Variants in EBF1 observed in about 807,000 individuals in gnomAD.
The protein encoded by EBF1 is transcription factor COE1.
A neutral mutation model predicts 68.4 loss-of-function variants in EBF1; 10 were observed. The ratio of observed to expected loss-of-function variants is 0.15; its 90% CI spans 0.09 to 0.25. The LOEUF (loss-of-function observed/expected upper bound fraction) is 0.25, where lower values mean the gene tolerates loss of function less well. EBF1 is among the 10% of genes least tolerant of loss of function. EBF1 has a pLI of 1.00. For synonymous variants in EBF1, 298 were observed against 299.8 expected (o/e 0.99, Z 0.06); for missense variants, 509 against 794.4 (o/e 0.64, Z 4.32).
chr5:158,803,778 CTTACT>C (rs763182411), intron 8 of EBF1, among the ~76,000 whole-genome samples: 9 of 151,614 alleles, frequency 5.9e-5, no homozygotes, highest in Non-Finnish European at 1.2e-4. Context: ...TTGTTTCTGC[CTTACT>C]TTATTTTCTT....
chr5:158,816,256 T>A (rs1258274991), intron 8 of EBF1, among the ~76,000 whole-genome samples: 1 of 152,246 alleles, frequency 6.6e-6, no homozygotes, highest in Non-Finnish European at 1.5e-5. Context: ...CTTCTCAGCA[T>A]CCTGGGAATC....
At chr5:158,981,664 A>T (rs1583644470) in intron 6 of EBF1, among the ~76,000 whole-genome samples, 1 of 152,206 alleles carries the variant, frequency 6.6e-6, no homozygotes, top group East Asian at 1.9e-4. Context: ...CTTTATAAAC[A>T]TTCAAGTACC....
At position 158,894,815 on chromosome 5, in the gene EBF1, C is replaced by T. The variant is rs73816085; in HGVS notation, c.555-54705G>A. Among the ~76,000 whole-genome samples, 741 of 152,240 alleles carry T rather than the reference C, an allele frequency of 4.9e-3. 9 individuals carry two copies. Among genetic ancestry groups the T allele is most frequent in the African/African-American group, 0.017 (711 of 41,542 alleles). ...TGGGCTTTTACAACAATCAGATGGG[C>T]CAGTGCACAGAAAAGCTTTATAAAG... On this transcript the variant is annotated intron_variant, in intron 6 of 15. Transcript: ENST00000313708.
intron 11 of EBF1, among the ~76,000 whole-genome samples, chr5:158,723,324 G>T (rs1310570479): frequency 6.6e-6 from 1 of 152,038 alleles, no homozygotes; most frequent in Non-Finnish European, 1.5e-5. Context: ...ACTGCTTAGG[G>T]GATATAGGCT....
chr5:158,937,799 G>A (rs965654433), intron 6 of EBF1, among the ~76,000 whole-genome samples: 1 of 152,120 alleles, frequency 6.6e-6, no homozygotes, highest in East Asian at 1.9e-4. Flanking sequence ...GGGGCCGCAC[G>A]GCTCCACACT....
chr5:158,987,633 G>A (rs570988584), intron 6 of EBF1, among the ~76,000 whole-genome samples: 1 of 152,318 alleles, frequency 6.6e-6, no homozygotes, highest in South Asian at 2.1e-4. Context: ...ACACTCCAAG[G>A]AGGAAGTGGG....
At chr5:158,771,288 C>T (rs1007973397) in intron 10 of EBF1, among the ~76,000 whole-genome samples, 4 of 152,040 alleles carry the variant, frequency 2.6e-5, no homozygotes, top group Non-Finnish European at 4.4e-5. Context: ...ATACATTAAC[C>T]CTTTTACTCC....
intron 6 of EBF1, among the ~76,000 whole-genome samples, chr5:158,969,854 AAGAAAG>A (rs1246237833): frequency 3.3e-5 from 2 of 59,760 alleles, no homozygotes; most frequent in African/African-American, 6.0e-5. Flanking sequence ...GAAAGAAAGA[AAGAAAG>A]AAAGAAAGAA....
At chr5:158,740,041 T>C (rs1246275353) in intron 10 of EBF1, among the ~76,000 whole-genome samples, 2 of 152,208 alleles carry the variant, frequency 1.3e-5, no homozygotes, top group African/African-American at 4.8e-5. Flanking sequence ...GACGAGCTGA[T>C]CCCTTTTCAC....
chr5:159,083,327 T>C (rs1213999951), intron 5 of EBF1, among the ~76,000 whole-genome samples: 1 of 152,232 alleles, frequency 6.6e-6, no homozygotes, highest in East Asian at 1.9e-4. Flanking sequence ...AGAATTGTTA[T>C]GTACAATATA....
In EBF1 at chr5:158,699,097, T is replaced by G. The variant is rs1199733719; in HGVS notation, c.*14A>C. On this transcript the variant is annotated 3_prime_UTR_variant, in exon 16 of 16. Transcript: ENST00000313708. Reference sequence around the variant, plus strand: ...CCAACCTCTTCATTAATACAATTCTTCAAGGCAATTCTTTCACATAGGAGG... The same window carrying G: ...CCAACCTCTTCATTAATACAATTCTGCAAGGCAATTCTTTCACATAGGAGG... The G allele has an allele frequency of 6.2e-7, 1 of 1,605,290 alleles. No homozygotes were observed. The highest frequency in any genetic ancestry group is 8.5e-7 in the Non-Finnish European group (1 of 1,176,340).
intron 6 of EBF1, among the ~76,000 whole-genome samples, chr5:158,964,074 A>G (rs1208677280): frequency 6.6e-6 from 1 of 152,176 alleles, no homozygotes; most frequent in Non-Finnish European, 1.5e-5. Context: ...GCTGAATTTA[A>G]TCCTAAGGAT....
chr5:158,822,053 G>C (rs6866313), intron 8 of EBF1, among the ~76,000 whole-genome samples: 2,291 of 152,208 alleles, frequency 0.015, 57 homozygotes, highest in African/African-American at 0.051. Flanking sequence ...TTTCTACCTT[G>C]TAAATTATGG....
intron 6 of EBF1, among the ~76,000 whole-genome samples, chr5:159,025,142 A>G (rs1210046833): frequency 6.6e-6 from 1 of 152,244 alleles, no homozygotes; most frequent in Non-Finnish European, 1.5e-5. Flanking sequence ...AAAGGTATCT[A>G]TCTGACCTTC....
At chr5:158,832,953 G>A (rs1371745363) in intron 7 of EBF1, among the ~76,000 whole-genome samples, 1 of 152,082 alleles carries the variant, frequency 6.6e-6, no homozygotes, top group African/African-American at 2.4e-5. Flanking sequence ...AGGCAAGATT[G>A]TTTGCCTCCT....
chr5:159,006,430 T>C (rs1007007833), intron 6 of EBF1, among the ~76,000 whole-genome samples: 2 of 151,812 alleles, frequency 1.3e-5, no homozygotes, highest in African/African-American at 4.8e-5. Context: ...CTGGAAAGGC[T>C]AGATGGTAAA....
In EBF1 at chr5:158,844,188, CT is replaced by C. The variant is rs10640628; in HGVS notation, c.555-4079del. On this transcript the variant is annotated intron_variant, in intron 6 of 15. Transcript: ENST00000313708. Reference sequence around the variant, plus strand: ...GATCAAACTCCTTTTTAACTCAAGCCTTTTTTTTTTTTTTTTTTGAGGGGGA... The same window carrying C: ...GATCAAACTCCTTTTTAACTCAAGCCTTTTTTTTTTTTTTTTTGAGGGGGA... Among the ~76,000 whole-genome samples, 452 of 126,332 alleles carry C rather than the reference CT, an allele frequency of 3.6e-3. 2 individuals carry two copies. The highest frequency in any genetic ancestry group is 8.3e-3 in the African/African-American group (278 of 33,518). 82.9% of individuals were successfully genotyped at this position (126,332 alleles called of 152,430 possible).
intron 10 of EBF1, among the ~76,000 whole-genome samples, chr5:158,747,824 G>T (rs1316691657): frequency 6.6e-6 from 1 of 152,148 alleles, no homozygotes; most frequent in Non-Finnish European, 1.5e-5. Context: ...CCAACTCTTT[G>T]CTGTCTCTGT....
chr5:159,052,277 T>A (rs1773893099), intron 6 of EBF1, among the ~76,000 whole-genome samples: 1 of 149,202 alleles, frequency 6.7e-6, no homozygotes, highest in South Asian at 2.2e-4. Flanking sequence ...AAACCTCCTA[T>A]CTCAAATCAA....
Sources: gnomAD v4.1 joint callset for allele counts (sites outside exome capture counted in the v4.1 genomes callset) on GRCh38, gnomAD v4.1.1 for gene constraint, MANE v1.5 for transcripts, NCBI Gene and HGNC (gene_info 2026-07-23, HGNC 2026-07-21) for gene names.